The following SDK1 variants were observed in gnomAD, a reference collection of about 807,000 sequenced individuals.
The protein encoded by SDK1 is protein sidekick-1.
SDK1 carries 157 observed loss-of-function variants against 245.5 expected under a neutral mutation model. That is an observed-to-expected ratio of 0.64 (90% CI 0.56 to 0.73). SDK1 has a LOEUF of 0.73. Among genes scored for constraint, SDK1 ranks in the 30% least tolerant of loss-of-function variants. SDK1 has a pLI of 0.00. For missense variants in SDK1, 3,583 were observed against 3,002.3 expected, an observed-to-expected ratio of 1.19 and a Z score of -4.52; for synonymous variants, 1,647 against 1,278.5, an observed-to-expected ratio of 1.29 and a Z score of -6.15.
intron 1 of SDK1, among the ~76,000 whole-genome samples, chr7:3,468,939 C>T (rs1266933401): frequency 6.6e-6 from 1 of 152,182 alleles, no homozygotes; most frequent in Non-Finnish European, 1.5e-5. Context: ...TTGACTCCTA[C>T]AACTTTTAAC....
At chr7:3,650,126 T>A (rs2128655462) in intron 4 of SDK1, among the ~76,000 whole-genome samples, 1 of 152,250 alleles carries the variant, frequency 6.6e-6, no homozygotes, top group African/African-American at 2.4e-5. Context: ...CATAGCCCGC[T>A]GCAGTTTCAA....
rs551135087 is a variant in SDK1, at chr7:4,112,647, A to G, written c.3435-642A>G. Among the ~76,000 whole-genome samples the G allele has an allele frequency of 5.9e-5, 9 of 152,320 alleles. No individual in the cohort carries two copies. The South Asian group carries it at 1.7e-3, about 28-fold the overall frequency. On this transcript the variant is annotated intron_variant, in intron 23 of 44. Transcript: ENST00000404826. ...GATGACATCAATTTCTGGACACCCA[A>G]TCCATCCAACTAGATTTCACTTGCA...
chr7:3,352,318 T>C (rs1486609514), intron 1 of SDK1, among the ~76,000 whole-genome samples: 1 of 151,988 alleles, frequency 6.6e-6, no homozygotes, highest in Non-Finnish European at 1.5e-5. Context: ...CCCAATATTT[T>C]TGTGAATTCT....
chr7:3,760,131 TAAAG>T (rs1204918079), intron 4 of SDK1, among the ~76,000 whole-genome samples: 2 of 152,178 alleles, frequency 1.3e-5, no homozygotes, highest in African/African-American at 2.4e-5. Flanking sequence ...CCTCCATAAA[TAAAG>T]AGATGTCTTT....
chr7:3,966,876 G>A (rs1782124114), intron 9 of SDK1, among the ~76,000 whole-genome samples: 1 of 151,938 alleles, frequency 6.6e-6, no homozygotes, highest in Non-Finnish European at 1.5e-5. Context: ...GTAGAGACAG[G>A]GATCTCACTG....
chr7:3,424,236 T>A (rs1294156651), intron 1 of SDK1, among the ~76,000 whole-genome samples: 1 of 152,160 alleles, frequency 6.6e-6, no homozygotes, highest in Non-Finnish European at 1.5e-5. Context: ...TTAGGAATGT[T>A]GTATTATAGT....
chr7:3,396,365 CTGT>C (rs1386956185), intron 1 of SDK1, among the ~76,000 whole-genome samples: 1 of 151,698 alleles, frequency 6.6e-6, no homozygotes, highest in Non-Finnish European at 1.5e-5. Context: ...TATTTTGCTG[CTGT>C]TGTGTGGAGT....
chr7:4,028,611 G>A (rs1362539332), intron 17 of SDK1, among the ~76,000 whole-genome samples: 7 of 152,206 alleles, frequency 4.6e-5, no homozygotes, highest in African/African-American at 1.7e-4. Flanking sequence ...GAAAACACAC[G>A]TTTGGAGGAG....
At chr7:3,783,290 C>T (rs755284728) in intron 4 of SDK1, among the ~76,000 whole-genome samples, 19 of 152,094 alleles carry the variant, frequency 1.2e-4, no homozygotes, top group Non-Finnish European at 2.2e-4. Flanking sequence ...AAAGCCTTTC[C>T]TCTGACATAG....
At chr7:4,250,859 T>G (rs555650246) in intron 44 of SDK1, among the ~76,000 whole-genome samples, 1 of 152,300 alleles carries the variant, frequency 6.6e-6, no homozygotes, top group South Asian at 2.1e-4. Context: ...TTTTAGTATT[T>G]TCAGTTTTTG....
intron 20 of SDK1, among the ~76,000 whole-genome samples, chr7:4,074,040 A>G (rs1488456761): frequency 6.6e-6 from 1 of 152,048 alleles, no homozygotes; most frequent in Non-Finnish European, 1.5e-5. Flanking sequence ...GTGTTTTTTT[A>G]GGGTTGTCCT....
At chr7:3,323,918 C>G (rs997623392) in intron 1 of SDK1, among the ~76,000 whole-genome samples, 1 of 152,200 alleles carries the variant, frequency 6.6e-6, no homozygotes, top group Non-Finnish European at 1.5e-5. Flanking sequence ...AAAATGTCAT[C>G]TTCTCTGTCT....
intron 5 of SDK1, among the ~76,000 whole-genome samples, chr7:3,943,882 G>A (rs1258275987): frequency 1.3e-5 from 2 of 152,120 alleles, no homozygotes; most frequent in Non-Finnish European, 2.9e-5. Flanking sequence ...CTTTATTCCT[G>A]TAACTACAAA....
chr7:3,460,213 C>G (rs546360085), intron 1 of SDK1, among the ~76,000 whole-genome samples: 19 of 152,220 alleles, frequency 1.2e-4, no homozygotes, highest in Admixed American at 9.2e-4. Context: ...TAGAATGGAG[C>G]CAACTGCAGT....
intron 1 of SDK1, among the ~76,000 whole-genome samples, chr7:3,342,155 C>G (rs577378565): frequency 9.9e-5 from 15 of 152,142 alleles, no homozygotes; most frequent in Admixed American, 8.5e-4. Flanking sequence ...GATTATTCTT[C>G]TCAACAAATG....
At chr7:3,872,375 G>A (rs532128371) in intron 5 of SDK1, among the ~76,000 whole-genome samples, 2 of 151,866 alleles carry the variant, frequency 1.3e-5, no homozygotes, top group African/African-American at 2.4e-5. Context: ...TGTTATGTTC[G>A]GAAGATTTAA....
At chr7:4,068,255 G>T (rs1052186024) in intron 20 of SDK1, among the ~76,000 whole-genome samples, 1 of 152,204 alleles carries the variant, frequency 6.6e-6, no homozygotes, top group Non-Finnish European at 1.5e-5. Flanking sequence ...GTTCACATGC[G>T]TGTGTCTTGC....
At chr7:3,596,659 T>A (rs1176568104) in intron 1 of SDK1, among the ~76,000 whole-genome samples, 1 of 152,190 alleles carries the variant, frequency 6.6e-6, no homozygotes. Flanking sequence ...TTCAAATAGA[T>A]AAATATTACC....
chr7:3,565,957 CTAG>C (rs1337623644), intron 1 of SDK1, among the ~76,000 whole-genome samples: 1 of 152,084 alleles, frequency 6.6e-6, no homozygotes, highest in African/African-American at 2.4e-5. Flanking sequence ...TCAATTTATT[CTAG>C]TAGTATCCAA....
Sources: gnomAD v4.1 joint callset for allele counts (sites outside exome capture counted in the v4.1 genomes callset) on GRCh38, gnomAD v4.1.1 for gene constraint, MANE v1.5 for transcripts, NCBI Gene and HGNC (gene_info 2026-07-23, HGNC 2026-07-21) for gene names.